UACA: variants seen among roughly 807,000 people sequenced by gnomAD.
The protein encoded by UACA is nuclear membrane binding protein.
In UACA, 112 loss-of-function variants were observed where a neutral mutation model predicts 160.5. The observed-to-expected ratio is 0.70, with a 90% confidence interval of 0.60 to 0.82. The LOEUF is 0.82. UACA is among the 40% of genes least tolerant of loss of function. The pLI is 0.00. For missense variants in UACA, 1,574 were observed against 1,614.6 expected (o/e 0.97, Z 0.43); for synonymous variants, 557 against 568.4 (o/e 0.98, Z 0.29).
At chr15:70,753,620 G>A (rs1045956370) in intron 1 of UACA, among the ~76,000 whole-genome samples, 4 of 152,150 alleles carry the variant, frequency 2.6e-5, no homozygotes, top group African/African-American at 9.7e-5. Flanking sequence ...CTACTTCTTA[G>A]GGTTGCGGTG....
At position 70,714,878 on chromosome 15, in the gene UACA, C is replaced by T. The variant is rs951701982; in HGVS notation, c.79-15218G>A. Among the ~76,000 whole-genome samples, 4 of 152,294 alleles carry T rather than the reference C, an allele frequency of 2.6e-5. 1 individual carries two copies. Among genetic ancestry groups the T allele is most frequent in the East Asian group, 3.9e-4 (2 of 5,192 alleles). On this transcript the variant is annotated intron_variant, in intron 1 of 18. Coordinates refer to ENST00000322954, the MANE Select transcript of UACA (RefSeq NM_018003.4). ...ATATAGACAAGATGTGGCTTCTCCACGTTTAACAGTTATCATTTGTACTGT... is the reference window on the plus strand; with the variant it reads ...ATATAGACAAGATGTGGCTTCTCCATGTTTAACAGTTATCATTTGTACTGT...
chr15:70,719,444 G>A (rs367778458), intron 1 of UACA, among the ~76,000 whole-genome samples: 4 of 152,106 alleles, frequency 2.6e-5, no homozygotes, highest in African/African-American at 7.2e-5. Flanking sequence ...GTGGACCCAC[G>A]GAAGCTCAAT....
At chr15:70,719,688 A>G (rs1225978002) in intron 1 of UACA, among the ~76,000 whole-genome samples, 2 of 151,962 alleles carry the variant, frequency 1.3e-5, no homozygotes, top group East Asian at 1.9e-4. Context: ...CCCTTATAAC[A>G]CTCCCTGACC....
chr15:70,760,820 A>C (rs1292055334), intron 1 of UACA, among the ~76,000 whole-genome samples: 1 of 151,978 alleles, frequency 6.6e-6, no homozygotes, highest in Non-Finnish European at 1.5e-5. Context: ...AAAAAAAAAA[A>C]ACAGAAAAAG....
chr15:70,695,189 C>T (rs1411250767), intron 2 of UACA, 84 bp from the exon 3 acceptor site: 2 of 778,870 alleles, frequency 2.6e-6, no homozygotes, highest in South Asian at 4.0e-5. Flanking sequence ...CCTTTTTCAA[C>T]ACACACACAC....
the UACA span, among the ~76,000 whole-genome samples, chr15:70,771,790 G>A: frequency 6.6e-6 from 1 of 151,362 alleles, no homozygotes; most frequent in Admixed American, 6.6e-5. Context: ...CATAGATGTG[G>A]AGCCAGAACA....
chr15:70,748,682 C>T (rs548826529), intron 1 of UACA, among the ~76,000 whole-genome samples: 47 of 152,260 alleles, frequency 3.1e-4, no homozygotes, highest in African/African-American at 1.1e-3. Flanking sequence ...CCTAGAGATG[C>T]TCATCATAGA....
intron 1 of UACA, among the ~76,000 whole-genome samples, chr15:70,714,619 T>C (rs771033592): frequency 3.3e-5 from 5 of 152,136 alleles, no homozygotes; most frequent in Non-Finnish European, 5.9e-5. Flanking sequence ...GATGATGTTT[T>C]AAATAATAAA....
At chr15:70,659,474 G>A (rs1440278521) in intron 18 of UACA, among the ~76,000 whole-genome samples, 2 of 118,364 alleles carry the variant, frequency 1.7e-5, no homozygotes, top group Non-Finnish European at 3.3e-5. Flanking sequence ...TAATTCCCAG[G>A]ATCTCTGTCA....
chr15:70,687,849 G>T, intron 5 of UACA, 29 bp from the exon 6 acceptor site: 1 of 1,604,074 alleles, frequency 6.2e-7, no homozygotes, highest in South Asian at 1.1e-5. Context: ...AATGATAAAT[G>T]GTGAACATCT....
chr15:70,682,688 T>C, intron 9 of UACA, 70 bp downstream of exon 9: 2 of 917,638 alleles, frequency 2.2e-6, no homozygotes, highest in Non-Finnish European at 3.1e-6. Context: ...TGCTAACTAT[T>C]AACTAGTTTT....
chr15:70,719,115 G>A (rs1317590706), intron 1 of UACA, among the ~76,000 whole-genome samples: 1 of 151,276 alleles, frequency 6.6e-6, no homozygotes, highest in Non-Finnish European at 1.5e-5. Context: ...TGAAGAGAAG[G>A]AGAAGGAGAA....
At chr15:70,675,767 G>A (rs749262031) in intron 13 of UACA, among the ~76,000 whole-genome samples, 7 of 152,170 alleles carry the variant, frequency 4.6e-5, no homozygotes, top group Non-Finnish European at 8.8e-5. Flanking sequence ...CTGCCAAAAT[G>A]TGTTGAAACT....
intron 18 of UACA, among the ~76,000 whole-genome samples, chr15:70,659,835 C>T (rs776595089): frequency 1.3e-5 from 2 of 152,014 alleles, no homozygotes; most frequent in African/African-American, 4.8e-5. Context: ...GACAGCCACA[C>T]GTGGATGTCA....
intron 1 of UACA, among the ~76,000 whole-genome samples, chr15:70,712,558 G>C (rs1898714839): frequency 6.6e-6 from 1 of 152,130 alleles, no homozygotes; most frequent in African/African-American, 2.4e-5. Context: ...TCTATTGCTT[G>C]TAGGATAAAT....
chr15:70,770,704 G>A, the UACA span, among the ~76,000 whole-genome samples: 9 of 152,186 alleles, frequency 5.9e-5, no homozygotes, highest in South Asian at 2.1e-4. Context: ...AACCTTAGAA[G>A]GGTGTAGTCC....
At chr15:70,774,713 A>G in the UACA span, among the ~76,000 whole-genome samples, 1 of 152,262 alleles carries the variant, frequency 6.6e-6, no homozygotes, top group South Asian at 2.1e-4. Context: ...ATAGAAAAAA[A>G]CCAAGACTTG....
At chr15:70,662,086 T>C (rs1282055559) in intron 17 of UACA, among the ~76,000 whole-genome samples, 1 of 152,178 alleles carries the variant, frequency 6.6e-6, no homozygotes, top group Non-Finnish European at 1.5e-5. Flanking sequence ...TGTTTGCAGA[T>C]GACATCATTG....
At position 70,687,572 on chromosome 15, in the gene UACA, TC is replaced by T; in HGVS notation, c.569del (p.Gly190GlufsTer17). 6.2e-7 allele frequency: 1 copy of T among 1,613,864 alleles called. No homozygotes were observed. The highest frequency in any genetic ancestry group is 8.5e-7 in the Non-Finnish European group (1 of 1,179,828). ...GTTTGTCTCTGGAATTAACATCCGCTCCTCTATCTATCAGCAGTTGACATAT... is the reference window on the plus strand; with the variant it reads ...GTTTGTCTCTGGAATTAACATCCGCTCTCTATCTATCAGCAGTTGACATAT... ...PTICQLLIDRGADVNSRDKQN... is the reference protein window; with the variant it reads ...PTICQLLIDRXADVNSRDKQN... On this transcript the variant is annotated frameshift_variant, in exon 7 of 19. Coordinates refer to ENST00000322954, the MANE Select transcript of UACA (RefSeq NM_018003.4). LOFTEE classifies it high-confidence loss of function.
Sources: gnomAD v4.1 joint callset for allele counts (sites outside exome capture counted in the v4.1 genomes callset) on GRCh38, gnomAD v4.1.1 for gene constraint, MANE v1.5 for transcripts, NCBI Gene and HGNC (gene_info 2026-07-23, HGNC 2026-07-21) for gene names.